Variants in DNM1 observed in about 807,000 individuals in gnomAD.
DNM1 encodes dynamin-1.
Under a neutral mutation model 104.6 loss-of-function variants are expected in DNM1, and 29 were observed. The ratio of observed to expected loss-of-function variants is 0.28; its 90% CI spans 0.21 to 0.38. The LOEUF (loss-of-function observed/expected upper bound fraction) is 0.38, where lower values mean the gene tolerates loss of function less well. Among genes scored for constraint, DNM1 ranks in the 10% least tolerant of loss-of-function variants. The pLI is 1.00. For synonymous variants in DNM1, 445 were observed against 475.8 expected (o/e 0.94, Z 0.84); for missense variants, 640 against 1,189.4 (o/e 0.54, Z 6.79).
chr9:128,210,654 G>C (rs532496169), intron 1 of DNM1, among the ~76,000 whole-genome samples: 2 of 152,252 alleles, frequency 1.3e-5, no homozygotes, highest in South Asian at 2.1e-4. Flanking sequence ...TGAGCCACCA[G>C]GTTTTTAGAT....
In DNM1 at chr9:128,222,500, T is replaced by C; in HGVS notation, c.1032T>C (p.Ile344=). The change falls in exon 8 of 22, where the codon ATT becomes ATC. Residue 344 remains isoleucine, a synonymous_variant. Coordinates refer to ENST00000372923, the MANE Select transcript of DNM1 (RefSeq NM_004408.4). The surrounding 1 kb of genome is among the most constrained non-coding windows in gnomAD (Gnocchi z 7.8). ...TCGCCGTAGACTTTGAGAAGCGCAT[T>C]GAGGGCTCAGGAGATCAGATCGACA... ...QQFAVDFEKR[I]EGSGDQIDTY... is the part of the protein sequence containing the mutation. The C allele has an allele frequency of 6.2e-7, 1 of 1,614,170 alleles. No individual in the cohort carries two copies. The highest frequency in any genetic ancestry group is 8.5e-7 in the Non-Finnish European group (1 of 1,180,016).
At chr9:128,205,828 G>A (rs768886548) in intron 1 of DNM1, among the ~76,000 whole-genome samples, 16 of 152,180 alleles carry the variant, frequency 1.1e-4, no homozygotes, top group African/African-American at 3.9e-4. Context: ...AGATTTCATC[G>A]AGTACTTGCT....
At position 128,220,738 on chromosome 9, in the gene DNM1, C is replaced by CGTGTGTGTGTGT. The variant is rs776283695; in HGVS notation, c.849+398_849+399insTGTGTGTGTGTG. Among the ~76,000 whole-genome samples the CGTGTGTGTGTGT allele has an allele frequency of 1.0e-5, 1 of 96,378 alleles. No individual in the cohort carries two copies. The highest frequency in any genetic ancestry group is 1.9e-5 in the Non-Finnish European group (1 of 52,418). The allele number at this position is 96,378 out of a possible 152,430, so 63.2% of individuals were successfully genotyped here. On this transcript the variant is annotated intron_variant, in intron 6 of 21. Transcript: ENST00000372923. The surrounding 1 kb of genome is among the most constrained non-coding windows in gnomAD (Gnocchi z 5.2). ...CATCCAGAACTGAAGTGCGCGCGCGCGCGCGTGTGTGTGTGTGTGTGTGTG... is the reference window on the plus strand; with the variant it reads ...CATCCAGAACTGAAGTGCGCGCGCGCGTGTGTGTGTGTGCGCGTGTGTGTGTGTGTGTGTGTG...
chr9:128,248,125 G>C lies in DNM1; in HGVS notation c.1905+190G>C. ...GGGCGGATCACAAGGTCAGGAGTTC[G>C]AGACCAGCCTGGCCAACACGGTGAA... On this transcript the variant is annotated intron_variant, in intron 18 of 21. Transcript: ENST00000372923. This position sits in a 1 kb window ranked among gnomAD's most constrained non-coding sequence, Gnocchi z 5.6. The C allele has an allele frequency of 1.4e-6, 1 of 722,272 alleles. No homozygotes were observed. Among genetic ancestry groups the C allele is most frequent in the East Asian group, 2.7e-5 (1 of 36,968 alleles). The allele number at this position is 722,272 out of a possible 1,614,324, so 44.7% of individuals were successfully genotyped here.
Position 128,222,874 on chromosome 9 carries a change from C to T in DNM1, c.1196+14C>T, listed in dbSNP as rs372024347. ...CCATGGCATTAGGCACGTATTGGGG[C>T]CTGGGAGGGTGGCTGAACCCCAGAA... On this transcript the variant is annotated intron_variant, in intron 9 of 21. Coordinates refer to ENST00000372923, the MANE Select transcript of DNM1 (RefSeq NM_004408.4). This position sits in a 1 kb window ranked among gnomAD's most constrained non-coding sequence, Gnocchi z 7.8. 36 of 1,613,552 alleles carry T rather than the reference C, an allele frequency of 2.2e-5. No individual in the cohort carries two copies. The highest frequency in any genetic ancestry group is 1.5e-4 in the African/African-American group (11 of 74,904).
Position 128,247,271 on chromosome 9 carries a change from G to T in DNM1, c.1782-104G>T. ...GCACAGGGTCACACAGCTGGGAAATGAGCTGGCCTCAGGCATGTTGACCCC... is the reference window on the plus strand; with the variant it reads ...GCACAGGGTCACACAGCTGGGAAATTAGCTGGCCTCAGGCATGTTGACCCC... On this transcript the variant is annotated intron_variant, in intron 16 of 21. Coordinates refer to ENST00000372923, the MANE Select transcript of DNM1 (RefSeq NM_004408.4). This position sits in a 1 kb window ranked among gnomAD's most constrained non-coding sequence, Gnocchi z 5.1. 1 of 683,820 alleles carries T rather than the reference G, an allele frequency of 1.5e-6. No homozygotes were observed. The highest frequency in any genetic ancestry group is 2.6e-6 in the Non-Finnish European group (1 of 388,660). The allele number at this position is 683,820 out of a possible 1,614,324, so 42.4% of individuals were successfully genotyped here. A position where few individuals can be genotyped will look rare whatever the true frequency, so the allele number is the denominator to read the frequency against.
intron 14 of DNM1, among the ~76,000 whole-genome samples, chr9:128,241,919 C>T (rs1446546778): frequency 1.3e-5 from 2 of 152,200 alleles, no homozygotes; most frequent in African/African-American, 2.4e-5. Context: ...CTTCCCCAAT[C>T]GGCCCCATAA....
At chr9:128,212,454 A>G (rs1233124893) in intron 1 of DNM1, among the ~76,000 whole-genome samples, 2 of 152,146 alleles carry the variant, frequency 1.3e-5, no homozygotes, top group African/African-American at 4.8e-5. Flanking sequence ...CAGCCTGGGC[A>G]ACACGGCAAG....
rs1299921799 is a variant in DNM1, at chr9:128,254,227, TTCTTTC to T, written c.2535-423_2535-418del. 9.6e-6 allele frequency: 13 copies of T among 1,357,892 alleles called. No homozygotes were observed. The African/African-American group carries it at 2.0e-4, about 21-fold the overall frequency. The allele number at this position is 1,357,892 out of a possible 1,614,324, so 84.1% of individuals were successfully genotyped here. A position where few individuals can be genotyped will look rare whatever the true frequency, so the allele number is the denominator to read the frequency against. On this transcript the variant is annotated intron_variant, in intron 21 of 21. Coordinates refer to ENST00000372923, the MANE Select transcript of DNM1 (RefSeq NM_004408.4). The surrounding 1 kb of genome is among the most constrained non-coding windows in gnomAD (Gnocchi z 6.1). ...TTTCACCCTCCTGGTTCAAGCAGTGTTCTTTCTCTATCAGGCCTGGTGGCTGTTGCA... is the reference window on the plus strand; with the variant it reads ...TTTCACCCTCCTGGTTCAAGCAGTGTTCTATCAGGCCTGGTGGCTGTTGCA...
rs1256165214 is a variant in DNM1 at position 128,255,143 on chromosome 9, C to G, written c.*429C>G. ...CCCCGCCATCCCTCCCACCCCCTAC[C>G]AAGCATGGGGGTGCTGTGCAGGCAG... On this transcript the variant is annotated 3_prime_UTR_variant, in exon 22 of 22. Transcript: ENST00000372923. 2 of 174,010 alleles carry G rather than the reference C, an allele frequency of 1.1e-5. No individual in the cohort carries two copies. Among genetic ancestry groups the G allele is most frequent in the African/African-American group, 4.8e-5 (2 of 41,586 alleles). 10.8% of individuals were successfully genotyped at this position (174,010 alleles called of 1,614,324 possible). A position where few individuals can be genotyped will look rare whatever the true frequency, so the allele number is the denominator to read the frequency against.
intron 1 of DNM1, among the ~76,000 whole-genome samples, chr9:128,208,719 C>A (rs1834115641): frequency 6.6e-6 from 1 of 152,066 alleles, no homozygotes; most frequent in Non-Finnish European, 1.5e-5. Context: ...TCGGGGCAGA[C>A]AGACATGAAA....
rs551681752 is a variant in DNM1, at chr9:128,245,151, T to G, written c.1672-1243T>G. ...GGCCTCTCTCGAACGGTTCCAGATG[T>G]TCCCTGGCCGTGTGTGCAACTTCCT... On this transcript the variant is annotated intron_variant, in intron 15 of 21. Transcript: ENST00000372923. The surrounding 1 kb of genome is among the most constrained non-coding windows in gnomAD (Gnocchi z 5.2). The G allele has an allele frequency of 5.6e-6, 1 of 178,616 alleles. No individual in the cohort carries two copies. The highest frequency in any genetic ancestry group is 1.5e-4 in the East Asian group (1 of 6,592). The allele number at this position is 178,616 out of a possible 1,614,324, so 11.1% of individuals were successfully genotyped here. A position where few individuals can be genotyped will look rare whatever the true frequency, so the allele number is the denominator to read the frequency against.
rs1835338429 is a variant in DNM1 at position 128,226,277 on chromosome 9, C to A, written c.1335+1888C>A. The A allele has an allele frequency of 3.3e-6, 5 of 1,516,124 alleles. No homozygotes were observed. In the Admixed American group the frequency reaches 1.0e-4, roughly 32 times the overall value. The allele number at this position is 1,516,124 out of a possible 1,614,324, so 93.9% of individuals were successfully genotyped here. A position where few individuals can be genotyped will look rare whatever the true frequency, so the allele number is the denominator to read the frequency against. ...GCTGAGCCGGCCTCACGGCTACCCG[C>A]AGGGACCCAGCCCTAGTGTTTCCTG... On this transcript the variant is annotated intron_variant, in intron 10 of 21. Transcript: ENST00000372923.
Position 128,203,673 on chromosome 9 carries a change from G to C in DNM1, c.161+42G>C. On this transcript the variant is annotated intron_variant, in intron 1 of 21. Transcript: ENST00000372923. This position sits in a 1 kb window ranked among gnomAD's most constrained non-coding sequence, Gnocchi z 5.3. ...CCCAGGCGCCGACCCCCGACCCCCGGGATCCCTGGAGTCCCCGCCCGGGGC... is the reference window on the plus strand; with the variant it reads ...CCCAGGCGCCGACCCCCGACCCCCGCGATCCCTGGAGTCCCCGCCCGGGGC... 1.4e-6 allele frequency: 2 copies of C among 1,471,380 alleles called. No individual in the cohort carries two copies. Among genetic ancestry groups the C allele is most frequent in the Non-Finnish European group, 1.8e-6 (2 of 1,117,202 alleles). The allele number at this position is 1,471,380 out of a possible 1,614,324, so 91.1% of individuals were successfully genotyped here.
At chr9:128,214,263 G>A (rs1412003754) in intron 1 of DNM1, among the ~76,000 whole-genome samples, 1 of 152,252 alleles carries the variant, frequency 6.6e-6, no homozygotes, top group East Asian at 1.9e-4. Flanking sequence ...AGCCACGATT[G>A]GTTCAGCCAT....
intron 1 of DNM1, among the ~76,000 whole-genome samples, chr9:128,214,252 T>C (rs1834474835): frequency 6.6e-6 from 1 of 152,176 alleles, no homozygotes. Flanking sequence ...ATAATCATAG[T>C]AGCCACGATT....
intron 1 of DNM1, among the ~76,000 whole-genome samples, chr9:128,213,289 C>T (rs1241778911): frequency 3.3e-5 from 5 of 152,120 alleles, no homozygotes; most frequent in Admixed American, 2.6e-4. Flanking sequence ...ACCATGTTGG[C>T]CAGGCTGGTC....
At chr9:128,213,445 T>C (rs1303449236) in intron 1 of DNM1, among the ~76,000 whole-genome samples, 1 of 151,018 alleles carries the variant, frequency 6.6e-6, no homozygotes, top group Non-Finnish European at 1.5e-5. Context: ...AAGAGATCTA[T>C]TTCCCTTTTG....
chr9:128,254,854 A>G lies in DNM1; in HGVS notation c.*140A>G, dbSNP rs1210088316. On this transcript the variant is annotated 3_prime_UTR_variant, in exon 22 of 22. Coordinates refer to ENST00000372923, the MANE Select transcript of DNM1 (RefSeq NM_004408.4). The surrounding 1 kb of genome is among the most constrained non-coding windows in gnomAD (Gnocchi z 6.1). ...ATCTGTTGTAGTGGTGAGCTGATAC[A>G]TTCAGGTGTGACCGTTGGTGAAAAC... The G allele has an allele frequency of 1.4e-6, 1 of 713,250 alleles. No homozygotes were observed. The highest frequency in any genetic ancestry group is 2.5e-5 in the East Asian group (1 of 39,226). 44.2% of individuals were successfully genotyped at this position (713,250 alleles called of 1,614,324 possible). A position where few individuals can be genotyped will look rare whatever the true frequency, so the allele number is the denominator to read the frequency against.
Sources: gnomAD v4.1 joint callset for allele counts (sites outside exome capture counted in the v4.1 genomes callset) on GRCh38, gnomAD v4.1.1 for gene constraint, Gnocchi (gnomAD v3.1) non-coding constraint, MANE v1.5 for transcripts, NCBI Gene and HGNC (gene_info 2026-07-23, HGNC 2026-07-21) for gene names.